Variants in MICALL2 observed in about 807,000 individuals in gnomAD.
The protein encoded by MICALL2 is MICAL-like protein 2.
A neutral mutation model predicts 91.1 loss-of-function variants in MICALL2; 111 were observed. The observed-to-expected ratio is 1.22, with a 90% CI of 1.04 to 1.43. The LOEUF (loss-of-function observed/expected upper bound fraction) is 1.43, where lower values mean the gene tolerates loss of function less well. Among genes scored for constraint, MICALL2 ranks in the 40% most tolerant of loss-of-function variants. The pLI is 0.00. For synonymous variants in MICALL2, 694 were observed against 525.3 expected (o/e 1.32, Z -4.39); for missense variants, 1,556 against 1,236.0 (o/e 1.26, Z -3.88).
At chr7:1,457,350 C>T (rs895513539) in intron 1 of MICALL2, among the ~76,000 whole-genome samples, 33 of 152,370 alleles carry the variant, frequency 2.2e-4, no homozygotes, top group African/African-American at 7.5e-4. Context: ...AAGTCAGCCA[C>T]AGCTTGGGTA....
intron 15 of MICALL2, among the ~76,000 whole-genome samples, chr7:1,435,855 T>C (rs1331191014): frequency 6.6e-6 from 1 of 150,674 alleles, no homozygotes; most frequent in Admixed American, 6.6e-5. Context: ...ATCGAGACCA[T>C]CCTGGCTAAC....
At chr7:1,441,133 T>TGTTCCCTGAGCCCAGCTC (rs1554267054) in intron 7 of MICALL2, 4 of 182,578 alleles carry the variant, frequency 2.2e-5, no homozygotes, top group Admixed American at 2.2e-4. Flanking sequence ...CAGCCCAGCT[T>TGTTCCCTGAGCCCAGCTC]GTTCCCTGAG....
intron 6 of MICALL2, 85 bp downstream of exon 6, chr7:1,444,567 C>T (rs1584216790): frequency 3.8e-6 from 5 of 1,323,630 alleles, no homozygotes; most frequent in East Asian, 5.0e-5. Context: ...GGAGGTGCAG[C>T]GCCCCCAACC....
Position 1,447,585 on chromosome 7 carries a change from G to A in MICALL2, c.515C>T (p.Pro172Leu). The change falls in exon 4 of 17, where the codon CCC becomes CTC. Residue 172 changes from proline to leucine, a missense_variant. By Grantham distance (98) the Pro-to-Leu change is moderately conservative (BLOSUM62 -3). Coordinates refer to ENST00000297508, the MANE Select transcript of MICALL2 (RefSeq NM_182924.4). ...GGGGTGGGAGCTTACAGTCTTGGGG[G>A]GCGGGCCCCCTGCACCCTCATTCCT... ...QRRNEGAGGP[P>L]PKTDQALAGS... 6.4e-7 allele frequency: 1 copy of A among 1,567,250 alleles called. No homozygotes were observed. The highest frequency in any genetic ancestry group is 8.6e-7 in the Non-Finnish European group (1 of 1,156,110).
chr7:1,445,554 C>T, intron 5 of MICALL2, 126 bp from the exon 6 acceptor site: 2 of 872,692 alleles, frequency 2.3e-6, no homozygotes, highest in East Asian at 5.4e-5. Context: ...GAACGCCCGC[C>T]CCGCCACGCA....
At chr7:1,447,878 G>C in intron 3 of MICALL2, 113 bp from the exon 4 acceptor site, 1 of 838,068 alleles carries the variant, frequency 1.2e-6, no homozygotes, top group Non-Finnish European at 1.7e-6. Flanking sequence ...GGGGACCTGG[G>C]GGCCCAGGGC....
intron 3 of MICALL2, chr7:1,448,073 T>TG (rs1426725037): frequency 3.3e-4 from 1 of 3,026 alleles, no homozygotes; most frequent in Non-Finnish European, 5.7e-4. Context: ...AAGAGGAATG[T>TG]GGGGGTGGGG....
rs1400283553 is a variant in MICALL2, at chr7:1,448,655, G to C, written c.299C>G (p.Ser100Cys). Reference protein sequence around the residue: ...PDRLSILTYVSQYYNYFHGRS... With the variant: ...PDRLSILTYVCQYYNYFHGRS... ...GCCGTGGAAGTAGTTGTAATACTGGGACACGTAGGTCAAGATGCTCAGCCG... is the reference window on the plus strand; with the variant it reads ...GCCGTGGAAGTAGTTGTAATACTGGCACACGTAGGTCAAGATGCTCAGCCG... Residue 100 changes from serine to cysteine, a missense_variant, in exon 3 of 17, where the codon TCC (serine) becomes TGC (cysteine). Ser to Cys is a moderately radical substitution (Grantham distance 112). Coordinates refer to ENST00000297508, the MANE Select transcript of MICALL2 (RefSeq NM_182924.4). The C allele has an allele frequency of 2.5e-6, 4 of 1,612,660 alleles. No homozygotes were observed. The highest frequency in any genetic ancestry group is 3.4e-6 in the Non-Finnish European group (4 of 1,179,920).
intron 1 of MICALL2, among the ~76,000 whole-genome samples, chr7:1,454,067 G>A (rs1414169479): frequency 3.9e-5 from 6 of 152,000 alleles, no homozygotes; most frequent in African/African-American, 7.3e-5. Context: ...CCTCTGCCCC[G>A]GCGCCTCTGG....
At chr7:1,439,025 C>T (rs1178031395) in intron 9 of MICALL2, 30 bp from the exon 10 acceptor site, 7 of 1,549,782 alleles carry the variant, frequency 4.5e-6, no homozygotes, top group Non-Finnish European at 6.1e-6. Flanking sequence ...CAGAGCCACG[C>T]TTCAGAGCAG....
At chr7:1,447,866 G>C in intron 3 of MICALL2, 101 bp from the exon 4 acceptor site, 5 of 886,808 alleles carry the variant, frequency 5.6e-6, no homozygotes, top group Non-Finnish European at 8.0e-6. Flanking sequence ...TTGGTGCCCG[G>C]GGGGGACCTG....
rs1254254001 is a variant in MICALL2 at position 1,444,919 on chromosome 7, ACT to A, written c.1149_1150del (p.Val384GlyfsTer35). 6.5e-7 allele frequency: 1 copy of A among 1,539,130 alleles called. No homozygotes were observed. The highest frequency in any genetic ancestry group is 2.4e-5 in the East Asian group (1 of 42,264). Reference sequence around the variant, plus strand: ...ACTGAGTGTGGTTTGAGGAGCTGCCACTCGGGGGGCTCCCCCACCCTGGGGTG... The same window carrying A: ...ACTGAGTGTGGTTTGAGGAGCTGCCACGGGGGGCTCCCCCACCCTGGGGTG... On this transcript the variant is annotated frameshift_variant, in exon 6 of 17. Transcript: ENST00000297508. LOFTEE classifies it high-confidence loss of function.
rs772538200 is a variant in MICALL2 at position 1,444,750 on chromosome 7, T to C, written c.1320A>G (p.Ser440=). 1.2e-6 allele frequency: 2 copies of C among 1,612,418 alleles called. No homozygotes were observed. The highest frequency in any genetic ancestry group is 1.7e-6 in the Non-Finnish European group (2 of 1,179,838). ...TSLSGRGPTP[S]LVLSKDSSKE... ...TGCTGCTGTCCTTGGATAGAACAAG[T>C]GACGGGGTGGGACCTCTGCCAGAAA... Residue 440 remains serine (S), a synonymous_variant, in exon 6 of 17, where the codon TCA becomes TCG. Coordinates refer to ENST00000297508, the MANE Select transcript of MICALL2 (RefSeq NM_182924.4).
In MICALL2 at chr7:1,434,589, C is replaced by T. The variant is rs199511636; in HGVS notation, c.*7G>A. The T allele has an allele frequency of 6.2e-7, 1 of 1,607,840 alleles. No individual in the cohort carries two copies. The highest frequency in any genetic ancestry group is 1.1e-5 in the South Asian group (1 of 90,414). On this transcript the variant is annotated 3_prime_UTR_variant, in exon 17 of 17. Transcript: ENST00000297508. ...GGTCCGGGCCGAGCCCACGGCCCTA[C>T]TGGCTACTACTGGGAGGGGCTGCTT...
Position 1,439,005 on chromosome 7 carries a change from G to A in MICALL2, c.1967-10C>T, listed in dbSNP as rs201757272. On this transcript the variant is annotated splice_polypyrimidine_tract_variant and intron_variant, in intron 9 of 16. Coordinates refer to ENST00000297508, the MANE Select transcript of MICALL2 (RefSeq NM_182924.4). ...GGGGAGGGGGACCTGGCTGCCCCCA[G>A]GTGGGGAGACAGAGCCACGCTTCAG... The A allele has an allele frequency of 3.2e-4, 515 of 1,587,196 alleles. 1 individual carries two copies. In the Middle Eastern group the frequency reaches 5.0e-3, roughly 15 times the overall value.
At chr7:1,439,792 G>T in intron 9 of MICALL2, 133 bp downstream of exon 9, 1 of 680,494 alleles carries the variant, frequency 1.5e-6, no homozygotes. Flanking sequence ...AGGACTACCA[G>T]CTTCTCTGGC....
chr7:1,442,398 G>A lies in MICALL2; in HGVS notation c.1505C>T (p.Ser502Phe), dbSNP rs1224958819. ...GAGGCCAAGCACCCGGGGAGACGAG[G>A]ACTGTAACGGCTTGGCTAAGGGACT... ...QASPLAKPLQ[S>F]SSPRVLGLPS... The change falls in exon 7 of 17, where the codon TCC becomes TTC. Residue 502 changes from serine (S) to phenylalanine (F), a missense_variant. Physicochemically the swap from Ser to Phe is radical, Grantham distance 155. Transcript: ENST00000297508. The A allele has an allele frequency of 3.7e-6, 6 of 1,602,662 alleles. No homozygotes were observed. Among genetic ancestry groups the A allele is most frequent in the African/African-American group, 2.7e-5 (2 of 74,722 alleles).
chr7:1,450,665 GGTGACCAGGTGGGT>G (rs1437390640), intron 1 of MICALL2: 3 of 202,444 alleles, frequency 1.5e-5, no homozygotes, highest in African/African-American at 2.3e-5. Flanking sequence ...CACAACGCTT[GGTGACCAGGTGGGT>G]CGCAGAGGCC....
chr7:1,436,643 G>A (rs1025137303), intron 15 of MICALL2, 99 bp downstream of exon 15: 5 of 806,610 alleles, frequency 6.2e-6, no homozygotes, highest in Admixed American at 2.9e-5. Flanking sequence ...ATAACCGCCT[G>A]GTCAGAAAGT....
Sources: gnomAD v4.1 joint callset for allele counts (sites outside exome capture counted in the v4.1 genomes callset) on GRCh38, gnomAD v4.1.1 for gene constraint, MANE v1.5 for transcripts, NCBI Gene and HGNC (gene_info 2026-07-23, HGNC 2026-07-21) for gene names.